CDC42: variants seen among roughly 807,000 people sequenced by gnomAD.
The protein encoded by CDC42 is cell division control protein 42 homolog.
CDC42 carries 1 observed loss-of-function variant against 20.8 expected under a neutral mutation model. That is an observed-to-expected ratio of 0.05 (90% CI 0.02 to 0.23). The LOEUF (loss-of-function observed/expected upper bound fraction) is 0.23, where lower values mean the gene tolerates loss of function less well. Ranked by LOEUF, CDC42 falls within the 10% of genes least tolerant of loss-of-function variation. The pLI, the probability that CDC42 is intolerant of heterozygous loss-of-function variation, is 1.00. For synonymous variants in CDC42, 72 were observed against 84.8 expected (o/e 0.85, Z 0.83); for missense variants, 49 against 227.9 (o/e 0.21, Z 5.05).
At chr1:22,075,231 A>T (rs1016152548) in intron 1 of CDC42, among the ~76,000 whole-genome samples, 2 of 152,248 alleles carry the variant, frequency 1.3e-5, no homozygotes, top group African/African-American at 4.8e-5. Flanking sequence ...TTTATTTAAC[A>T]CATGAAACAA....
chr1:22,054,940 T>A (rs1201045979), intron 1 of CDC42, among the ~76,000 whole-genome samples: 10 of 24,252 alleles, frequency 4.1e-4, no homozygotes, highest in East Asian at 1.1e-3. Flanking sequence ...TTTTTTTTTT[T>A]TTTTTTTTTT....
At chr1:22,091,316 T>C (rs1016136298) in intron 5 of CDC42, 112 bp from the exon 6 acceptor site, 7 of 670,342 alleles carry the variant, frequency 1.0e-5, no homozygotes, top group Non-Finnish European at 1.8e-5. Flanking sequence ...AGGGTTGTTT[T>C]TAATGTTTCT....
chr1:22,082,491 A>G (rs1479922575), intron 3 of CDC42, among the ~76,000 whole-genome samples: 2 of 152,232 alleles, frequency 1.3e-5, no homozygotes, highest in Non-Finnish European at 2.9e-5. Context: ...GAGTGGCTGC[A>G]CATCTTAATT....
chr1:22,090,631 G>A (rs1180943884), intron 5 of CDC42: 74 of 985,372 alleles, frequency 7.5e-5, no homozygotes, highest in Non-Finnish European at 8.4e-5. Context: ...GAGTTCATTT[G>A]TTACATTATC....
chr1:22,070,912 CT>C (rs1645482956), intron 1 of CDC42, among the ~76,000 whole-genome samples: 1 of 152,102 alleles, frequency 6.6e-6, no homozygotes, highest in Non-Finnish European at 1.5e-5. Flanking sequence ...GCTCGGTGTA[CT>C]TTTGTGGCAA....
intron 5 of CDC42, among the ~76,000 whole-genome samples, chr1:22,088,353 T>C (rs1172530399): frequency 1.3e-5 from 2 of 152,238 alleles, no homozygotes; most frequent in Non-Finnish European, 2.9e-5. Context: ...AGTGATGCTT[T>C]AGATAATTGG....
At chr1:22,085,668 T>G (rs1475190524) in intron 3 of CDC42, among the ~76,000 whole-genome samples, 2 of 152,218 alleles carry the variant, frequency 1.3e-5, no homozygotes, top group African/African-American at 4.8e-5. Context: ...TTTATTATTT[T>G]GAGTATCGAT....
chr1:22,054,921 A>C (rs3117049), intron 1 of CDC42, among the ~76,000 whole-genome samples: 21 of 19,386 alleles, frequency 1.1e-3, no homozygotes, highest in African/African-American at 4.3e-3. Context: ...ATATATATAT[A>C]TTTTTTTTTT....
intron 1 of CDC42, among the ~76,000 whole-genome samples, chr1:22,068,073 C>A (rs1645443935): frequency 6.6e-6 from 1 of 151,932 alleles, no homozygotes; most frequent in South Asian, 2.1e-4. Flanking sequence ...CAGGGTGAGA[C>A]CCTGTCTCAA....
intron 5 of CDC42, chr1:22,090,520 G>C: frequency 1.0e-6 from 1 of 987,420 alleles, no homozygotes; most frequent in South Asian, 4.7e-5. Flanking sequence ...TCCTTTGTGC[G>C]GTGAAACTTT....
Position 22,099,724 on chromosome 1 carries a change from C to A in CDC42, c.*8207C>A, listed in dbSNP as rs184445700. ...TCCTTTAGAGGATCTAAAGGTGTAG[C>A]TTTAGAGGATTGTAGGGTGCCTTTG... On this transcript the variant is annotated 3_prime_UTR_variant, in exon 6 of 6. Transcript: ENST00000656825. Among the ~76,000 whole-genome samples the A allele has an allele frequency of 1.6e-4, 24 of 152,156 alleles. No homozygotes were observed. In the East Asian group the frequency reaches 4.5e-3, roughly 28 times the overall value.
chr1:22,069,988 A>G (rs1645467421), intron 1 of CDC42, among the ~76,000 whole-genome samples: 1 of 152,084 alleles, frequency 6.6e-6, no homozygotes, highest in Non-Finnish European at 1.5e-5. Flanking sequence ...CAGTTTTGCC[A>G]CGTTGCCTAG....
Position 22,081,706 on chromosome 1 carries a change from A to G in CDC42, c.106-16A>G. On this transcript the variant is annotated splice_polypyrimidine_tract_variant and intron_variant, in intron 2 of 5. Coordinates refer to ENST00000656825, the MANE Select transcript of CDC42 (RefSeq NM_001791.4). The stretch of plus-strand genomic sequence containing the variant: ...TCTCCTTGCACACTAACAGTGTTGT[A>G]TTTTTTTGTTTTTAGGTTTTTGACA... 6.4e-7 allele frequency: 1 copy of G among 1,564,090 alleles called. No individual in the cohort carries two copies. The highest frequency in any genetic ancestry group is 8.8e-7 in the Non-Finnish European group (1 of 1,135,360).
rs144366340 is a variant in CDC42, at chr1:22,098,793, C to G, written c.*7276C>G. On this transcript the variant is annotated 3_prime_UTR_variant, in exon 6 of 6. Transcript: ENST00000656825. ...TATTTTTTGGAGACAGGGTCTCACT[C>G]TGTCACCCAGGCTGGAGTGCAGTGT... Among the ~76,000 whole-genome samples, 239 of 152,272 alleles carry G rather than the reference C, an allele frequency of 1.6e-3. No homozygotes were observed. The highest frequency in any genetic ancestry group is 0.012 in the East Asian group (60 of 5,186).
intron 1 of CDC42, chr1:22,059,556 T>C (rs1335139099): frequency 3.8e-5 from 1 of 26,574 alleles, no homozygotes; most frequent in Non-Finnish European, 6.5e-5. Flanking sequence ...ATTTTTCTTT[T>C]CTTTTTTTTG....
intron 1 of CDC42, among the ~76,000 whole-genome samples, chr1:22,065,586 TG>T (rs1645413761): frequency 6.6e-6 from 1 of 152,344 alleles, no homozygotes; most frequent in East Asian, 1.9e-4. Flanking sequence ...CTAGGTGGTG[TG>T]TGTACCAGTT....
At chr1:22,082,179 A>G (rs962753261) in intron 3 of CDC42, among the ~76,000 whole-genome samples, 1 of 150,320 alleles carries the variant, frequency 6.7e-6, no homozygotes, top group African/African-American at 2.4e-5. Flanking sequence ...CTTCACCCCT[A>G]CCTGCTCCTT....
chr1:22,061,580 A>G (rs1359552042), intron 1 of CDC42, among the ~76,000 whole-genome samples: 3 of 105,706 alleles, frequency 2.8e-5, no homozygotes, highest in Admixed American at 1.5e-4. Flanking sequence ...GTCTTGCTCT[A>G]TCAGCCAGGC....
At chr1:22,073,795 A>G (rs1645518546) in intron 1 of CDC42, among the ~76,000 whole-genome samples, 1 of 148,642 alleles carries the variant, frequency 6.7e-6, no homozygotes, top group Admixed American at 6.8e-5. Flanking sequence ...CTGGGACTAC[A>G]GGTGTGTGCC....
Sources: gnomAD v4.1 joint callset for allele counts (sites outside exome capture counted in the v4.1 genomes callset) on GRCh38, gnomAD v4.1.1 for gene constraint, MANE v1.5 for transcripts, NCBI Gene and HGNC (gene_info 2026-07-23, HGNC 2026-07-21) for gene names.